Variants in PCBD2 observed in about 807,000 individuals in gnomAD.
The protein encoded by PCBD2 is pterin-4 alpha-carbinolamine dehydratase 2, also known as pterin-4-alpha-carbinolamine dehydratase 2.
A neutral mutation model predicts 16.4 loss-of-function variants in PCBD2; 12 were observed. That is an observed-to-expected ratio of 0.73 (90% CI 0.47 to 1.19). The LOEUF is 1.19. Among genes scored for constraint, PCBD2 ranks in the 50% most tolerant of loss-of-function variants. The pLI is 0.00. For missense variants in PCBD2, 138 were observed against 156.8 expected (o/e 0.88, Z 0.64); for synonymous variants, 58 against 61.8 (o/e 0.94, Z 0.29).
chr5:134,937,176 T>G (rs1751170107), intron 2 of PCBD2, among the ~76,000 whole-genome samples: 1 of 152,250 alleles, frequency 6.6e-6, no homozygotes, highest in African/African-American at 2.4e-5. Context: ...TTTTCAGATT[T>G]CAGATTATAA....
intron 2 of PCBD2, chr5:134,926,186 CA>C: frequency 3.1e-6 from 1 of 317,898 alleles, no homozygotes; most frequent in Non-Finnish European, 5.7e-6. Context: ...AACAGTGCTA[CA>C]GGGATAAATA....
In PCBD2 at chr5:134,910,484, T is replaced by C. The variant is rs1050800401; in HGVS notation, c.216+18T>C. ...TTAATCAGGTAATTGTTATAAATTC[T>C]TGCTAGGGCTGTGGTCTATTTTAGT... is the stretch of plus-strand genomic sequence containing the variant. On this transcript the variant is annotated intron_variant, in intron 2 of 3. Coordinates refer to ENST00000254908, the MANE Select transcript of PCBD2 (RefSeq NM_032151.5). The C allele has an allele frequency of 1.2e-6, 2 of 1,613,182 alleles. No individual in the cohort carries two copies. The highest frequency in any genetic ancestry group is 1.3e-5 in the African/African-American group (1 of 74,912).
chr5:134,932,531 A>G (rs1347692404), intron 2 of PCBD2, among the ~76,000 whole-genome samples: 1 of 152,092 alleles, frequency 6.6e-6, no homozygotes, highest in Non-Finnish European at 1.5e-5. Context: ...TAGTAGCAAC[A>G]TGGATTCACC....
intron 2 of PCBD2, chr5:134,924,452 T>C (rs1561909081): frequency 2.5e-6 from 1 of 396,864 alleles, no homozygotes. Context: ...AAGAGTATGA[T>C]GGGGTGGTGG....
At chr5:134,936,216 CCT>C (rs1248854742) in intron 2 of PCBD2, among the ~76,000 whole-genome samples, 1 of 152,076 alleles carries the variant, frequency 6.6e-6, no homozygotes, top group East Asian at 1.9e-4. Flanking sequence ...ACTTGGGTGC[CCT>C]GTTTGTGACC....
intron 1 of PCBD2, among the ~76,000 whole-genome samples, chr5:134,910,119 A>G (rs1750748477): frequency 6.6e-6 from 1 of 152,204 alleles, no homozygotes; most frequent in Non-Finnish European, 1.5e-5. Context: ...AGTTTGAGGC[A>G]GCAGTAAGGG....
chr5:134,918,443 T>G (rs777212357), intron 2 of PCBD2, among the ~76,000 whole-genome samples: 15 of 152,150 alleles, frequency 9.9e-5, no homozygotes, highest in Non-Finnish European at 1.8e-4. Context: ...AGGCGGAGGT[T>G]GCAGTGAGCA....
chr5:134,951,649 T>C (rs371498926), intron 2 of PCBD2, among the ~76,000 whole-genome samples: 18 of 152,348 alleles, frequency 1.2e-4, no homozygotes, highest in African/African-American at 4.3e-4. Context: ...TTCTTCTATA[T>C]CCTCACCAAC....
At chr5:134,940,022 C>CAA (rs1342768739) in intron 2 of PCBD2, among the ~76,000 whole-genome samples, 4 of 151,952 alleles carry the variant, frequency 2.6e-5, no homozygotes, top group Admixed American at 2.6e-4. Flanking sequence ...TATCATTGGT[C>CAA]CACCCACTTC....
chr5:134,936,469 G>A (rs1040937792), intron 2 of PCBD2, among the ~76,000 whole-genome samples: 1 of 152,238 alleles, frequency 6.6e-6, no homozygotes, highest in African/African-American at 2.4e-5. Context: ...CAGAGCAGCA[G>A]ATTGGTAACT....
intron 2 of PCBD2, among the ~76,000 whole-genome samples, chr5:134,954,080 C>T (rs1751389048): frequency 6.6e-6 from 1 of 152,106 alleles, no homozygotes; most frequent in Non-Finnish European, 1.5e-5. Flanking sequence ...ACCTCAACCT[C>T]CTGAGTAGCT....
chr5:134,917,978 A>G (rs1750853311), intron 2 of PCBD2, among the ~76,000 whole-genome samples: 1 of 152,228 alleles, frequency 6.6e-6, no homozygotes, highest in Admixed American at 6.5e-5. Context: ...ATACCAGAAG[A>G]AAGACAACTG....
intron 1 of PCBD2, among the ~76,000 whole-genome samples, chr5:134,905,905 C>A (rs1263040926): frequency 2.0e-5 from 3 of 152,220 alleles, no homozygotes; most frequent in Admixed American, 6.5e-5. Flanking sequence ...CGGAGTCTCG[C>A]TGTATCGCCG....
At chr5:134,925,784 G>C (rs1470370081) in intron 2 of PCBD2, 1 of 395,792 alleles carries the variant, frequency 2.5e-6, no homozygotes, top group African/African-American at 2.1e-5. Flanking sequence ...AGGCCTAATT[G>C]AGCTGATTTG....
At chr5:134,927,649 G>A (rs74887930) in intron 2 of PCBD2, 3 of 398,126 alleles carry the variant, frequency 7.5e-6, no homozygotes, top group Non-Finnish European at 1.3e-5. Context: ...ATGATAGCCA[G>A]GGTGGGGATA....
chr5:134,930,733 AT>A (rs1751083034), intron 2 of PCBD2, among the ~76,000 whole-genome samples: 1 of 152,194 alleles, frequency 6.6e-6, no homozygotes, highest in South Asian at 2.1e-4. Flanking sequence ...GGATGAGAAT[AT>A]TGATGTCCTG....
chr5:134,960,817 A>C lies in PCBD2; in HGVS notation c.*136A>C. 2 of 690,618 alleles carry C rather than the reference A, an allele frequency of 2.9e-6. No homozygotes were observed. The highest frequency in any genetic ancestry group is 4.8e-6 in the Non-Finnish European group (2 of 416,132). 42.8% of individuals were successfully genotyped at this position (690,618 alleles called of 1,614,324 possible). On this transcript the variant is annotated 3_prime_UTR_variant, in exon 4 of 4. Coordinates refer to ENST00000254908, the MANE Select transcript of PCBD2 (RefSeq NM_032151.5). ...AGTGTTGCTCTGTCGCCCAGGCCAG[A>C]GTGCAGTGGTATGATCTCGGCTCAC...
At chr5:134,952,154 A>G (rs1408435670) in intron 2 of PCBD2, among the ~76,000 whole-genome samples, 4 of 143,866 alleles carry the variant, frequency 2.8e-5, no homozygotes, top group African/African-American at 1.0e-4. Context: ...GAAGCTGTTG[A>G]CTTTTTTTTT....
At chr5:134,954,282 T>C (rs966712880) in intron 2 of PCBD2, among the ~76,000 whole-genome samples, 1 of 152,220 alleles carries the variant, frequency 6.6e-6, no homozygotes, top group Admixed American at 6.5e-5. Context: ...GTTTTACACA[T>C]TTAAGTATAC....
Sources: allele counts gnomAD v4.1 joint callset (sites outside exome capture counted in the v4.1 genomes callset), GRCh38; gene constraint gnomAD v4.1.1; transcripts MANE v1.5; gene names NCBI Gene and HGNC (gene_info 2026-07-23, HGNC 2026-07-21).